ZBTB20: variants seen among roughly 807,000 people sequenced by gnomAD.
ZBTB20 encodes zinc finger and BTB domain containing 20.
A neutral mutation model predicts 56.9 loss-of-function variants in ZBTB20; 9 were observed. The ratio of observed to expected loss-of-function variants is 0.16; its 90% CI spans 0.10 to 0.28. The LOEUF (loss-of-function observed/expected upper bound fraction) is 0.28. ZBTB20 is among the 10% of genes least tolerant of loss of function. The pLI is 1.00. For missense variants in ZBTB20, 655 were observed against 1,003.0 expected (o/e 0.65, Z 4.69); for synonymous variants, 417 against 420.7 (o/e 0.99, Z 0.11).
intron 3 of ZBTB20, among the ~76,000 whole-genome samples, chr3:114,962,163 A>C (rs1041366403): frequency 6.7e-6 from 1 of 149,030 alleles, no homozygotes; most frequent in Non-Finnish European, 1.5e-5. Context: ...CCTTTTCCAC[A>C]TGCACAGTTG....
chr3:114,532,663 T>C (rs963022905), intron 6 of ZBTB20, among the ~76,000 whole-genome samples: 1 of 152,166 alleles, frequency 6.6e-6, no homozygotes, highest in African/African-American at 2.4e-5. Flanking sequence ...CCTCCTCAAG[T>C]GGGTCCCTGA....
intron 1 of ZBTB20, among the ~76,000 whole-genome samples, chr3:115,077,452 T>C (rs1401897889): frequency 6.6e-6 from 1 of 152,154 alleles, no homozygotes; most frequent in Non-Finnish European, 1.5e-5. Context: ...GAAGAGGCCC[T>C]TACCAGATAC....
intron 6 of ZBTB20, among the ~76,000 whole-genome samples, chr3:114,534,371 A>AT (rs1309574918): frequency 1.3e-5 from 2 of 152,220 alleles, no homozygotes; most frequent in Non-Finnish European, 2.9e-5. Flanking sequence ...TTAAACCAAT[A>AT]AAGATCAAAA....
rs183958854 is a variant in ZBTB20 at position 114,372,846 on chromosome 3, C to T, written c.199+7371G>A. On this transcript the variant is annotated intron_variant, in intron 10 of 11. Transcript: ENST00000675478. ...GCAACAGAGCCAGACCCTGTTTAAACAAAAAAGAAAAATAAAAAGAAAATT... is the reference window on the plus strand; with the variant it reads ...GCAACAGAGCCAGACCCTGTTTAAATAAAAAAGAAAAATAAAAAGAAAATT... Among the ~76,000 whole-genome samples the T allele has an allele frequency of 2.7e-3, 411 of 151,550 alleles. 3 individuals are homozygous for T. Among genetic ancestry groups the T allele is most frequent in the African/African-American group, 9.3e-3 (387 of 41,410 alleles).
At chr3:114,608,862 G>C (rs1167309653) in intron 6 of ZBTB20, among the ~76,000 whole-genome samples, 1 of 152,010 alleles carries the variant, frequency 6.6e-6, no homozygotes, top group East Asian at 1.9e-4. Context: ...GTGATCTTTA[G>C]AAAAACAGGT....
chr3:114,527,606 T>G (rs1189788599), intron 6 of ZBTB20, among the ~76,000 whole-genome samples: 3 of 152,174 alleles, frequency 2.0e-5, no homozygotes, highest in Admixed American at 1.3e-4. Flanking sequence ...TCTGCCTCCA[T>G]GGAAACAAAT....
chr3:115,018,049 TC>T (rs2080046126), intron 2 of ZBTB20, among the ~76,000 whole-genome samples: 1 of 151,548 alleles, frequency 6.6e-6, no homozygotes, highest in Non-Finnish European at 1.5e-5. Context: ...TTTTTTAATC[TC>T]TTAAAGTTGC....
At chr3:114,400,278 A>G (rs1465345977) in intron 7 of ZBTB20, among the ~76,000 whole-genome samples, 3 of 152,154 alleles carry the variant, frequency 2.0e-5, no homozygotes, top group Non-Finnish European at 4.4e-5. Flanking sequence ...TAATACTTGT[A>G]AGCTGTAAAA....
At chr3:114,685,460 A>G (rs1223947715) in intron 6 of ZBTB20, among the ~76,000 whole-genome samples, 1 of 152,254 alleles carries the variant, frequency 6.6e-6, no homozygotes. Flanking sequence ...GGAGTGAAGC[A>G]GCCCTCGGCA....
chr3:114,625,307 C>T (rs557031155), intron 6 of ZBTB20, among the ~76,000 whole-genome samples: 2 of 152,060 alleles, frequency 1.3e-5, no homozygotes, highest in South Asian at 4.2e-4. Context: ...CTGGTAGAGC[C>T]CTGGAGGATA....
intron 5 of ZBTB20, among the ~76,000 whole-genome samples, chr3:114,736,054 A>G (rs1239043608): frequency 6.6e-6 from 1 of 152,196 alleles, no homozygotes; most frequent in Non-Finnish European, 1.5e-5. Flanking sequence ...GTTTATTTTT[A>G]AAGGCTGTCA....
At chr3:115,032,800 A>G (rs1267302071) in intron 2 of ZBTB20, among the ~76,000 whole-genome samples, 1 of 151,446 alleles carries the variant, frequency 6.6e-6, no homozygotes, top group African/African-American at 2.4e-5. Flanking sequence ...AAGAGAAATT[A>G]GAAAACACCC....
chr3:114,371,936 A>AG (rs2083065524), intron 10 of ZBTB20, among the ~76,000 whole-genome samples: 1 of 152,190 alleles, frequency 6.6e-6, no homozygotes. Context: ...AAAAAAAAAA[A>AG]AAGGGATTCT....
intron 5 of ZBTB20, chr3:114,710,206 G>A (rs1256273073): frequency 1.3e-5 from 2 of 152,138 alleles, no homozygotes; most frequent in Non-Finnish European, 2.9e-5. Flanking sequence ...AAAAATAGCA[G>A]ACTGAATTGA....
At chr3:114,547,245 A>G (rs1368042633) in intron 6 of ZBTB20, among the ~76,000 whole-genome samples, 2 of 152,178 alleles carry the variant, frequency 1.3e-5, no homozygotes, top group Non-Finnish European at 2.9e-5. Flanking sequence ...CCAAGAAATG[A>G]GACATAGAAA....
chr3:114,747,296 T>A (rs1269722282), intron 5 of ZBTB20, among the ~76,000 whole-genome samples: 1 of 152,200 alleles, frequency 6.6e-6, no homozygotes, highest in Non-Finnish European at 1.5e-5. Flanking sequence ...CCAGGCGCAG[T>A]GGCTTATGCC....
chr3:114,736,734 G>A (rs1409345554), intron 5 of ZBTB20, among the ~76,000 whole-genome samples: 1 of 152,084 alleles, frequency 6.6e-6, no homozygotes, highest in African/African-American at 2.4e-5. Context: ...GGATGTACAT[G>A]GTGGGAATCA....
In ZBTB20 at chr3:114,465,477, C is replaced by T. The variant is rs573215799; in HGVS notation, c.-255+34875G>A. On this transcript the variant is annotated intron_variant, in intron 7 of 11. Coordinates refer to ENST00000675478, the MANE Select transcript of ZBTB20 (RefSeq NM_001348800.3). Reference sequence around the variant, plus strand: ...ATCCCAGCACTTTGGGAGGCCGAGGCGGGTGGATCACCTGAGGTCAGGAAT... The same window carrying T: ...ATCCCAGCACTTTGGGAGGCCGAGGTGGGTGGATCACCTGAGGTCAGGAAT... Among the ~76,000 whole-genome samples, 237 of 152,066 alleles carry T rather than the reference C, an allele frequency of 1.6e-3. 1 individual carries two copies. Among genetic ancestry groups the T allele is most frequent in the Middle Eastern group, 0.01 (3 of 294 alleles).
At chr3:114,594,658 T>A (rs888616897) in intron 6 of ZBTB20, among the ~76,000 whole-genome samples, 5 of 152,202 alleles carry the variant, frequency 3.3e-5, no homozygotes, top group African/African-American at 1.2e-4. Flanking sequence ...TAATGTATAG[T>A]CATAAAATTC....
Sources: gnomAD v4.1 joint callset for allele counts (sites outside exome capture counted in the v4.1 genomes callset) on GRCh38, gnomAD v4.1.1 for gene constraint, MANE v1.5 for transcripts, NCBI Gene and HGNC (gene_info 2026-07-23, HGNC 2026-07-21) for gene names.